CARF: variants seen among roughly 807,000 people sequenced by gnomAD.
CARF encodes calcium-responsive transcription factor.
In CARF, 57 loss-of-function variants were observed where a neutral mutation model predicts 82.0. The ratio of observed to expected loss-of-function variants is 0.70; its 90% CI spans 0.56 to 0.87. The LOEUF (loss-of-function observed/expected upper bound fraction) is 0.87, where lower values mean the gene tolerates loss of function less well. Among genes scored for constraint, CARF ranks in the 40% least tolerant of loss-of-function variants. CARF has a pLI of 0.00. For synonymous variants in CARF, 268 were observed against 290.1 expected (o/e 0.92, Z 0.77); for missense variants, 771 against 855.8 (o/e 0.90, Z 1.24).
intron 9 of CARF, among the ~76,000 whole-genome samples, chr2:202,965,672 T>G (rs1475389761): frequency 6.6e-6 from 1 of 152,158 alleles, no homozygotes; most frequent in East Asian, 1.9e-4. Context: ...TATGGTGTCT[T>G]TTAAACAGAA....
chr2:202,961,444 T>G lies in CARF; in HGVS notation c.832+18T>G, dbSNP rs369105082. On this transcript the variant is annotated intron_variant, in intron 9 of 16. Transcript: ENST00000438828. Reference sequence around the variant, plus strand: ...TAATGCAGGTACTTTTTTAAAGAATTATTTTAAAAGGTTCAGCAGCAGCCA... The same window carrying G: ...TAATGCAGGTACTTTTTTAAAGAATGATTTTAAAAGGTTCAGCAGCAGCCA... The G allele has an allele frequency of 1.2e-6, 2 of 1,607,050 alleles. No homozygotes were observed. Among genetic ancestry groups the G allele is most frequent in the Non-Finnish European group, 1.7e-6 (2 of 1,174,002 alleles).
rs34656288 is a variant in CARF at position 202,980,616 on chromosome 2, G to GTATATATATA, written c.1559-902_1559-893dup. Among the ~76,000 whole-genome samples, 382 of 42,278 alleles carry GTATATATATA rather than the reference G, an allele frequency of 9.0e-3. 27 individuals are homozygous for GTATATATATA. Among genetic ancestry groups the GTATATATATA allele is most frequent in the Non-Finnish European group, 0.012 (268 of 22,776 alleles). The allele number at this position is 42,278 out of a possible 152,430, so 27.7% of individuals were successfully genotyped here. A position where few individuals can be genotyped will look rare whatever the true frequency, so the allele number is the denominator to read the frequency against. On this transcript the variant is annotated intron_variant, in intron 14 of 16. Transcript: ENST00000438828. ...GAGTTACAGATATAGCGTCTTTCAAGTATATATATATATATATATATATAT... is the reference window on the plus strand; with the variant it reads ...GAGTTACAGATATAGCGTCTTTCAAGTATATATATATATATATATATATATATATATATAT...
chr2:202,976,597 C>T (rs943187624), intron 13 of CARF, among the ~76,000 whole-genome samples: 2 of 152,080 alleles, frequency 1.3e-5, no homozygotes, highest in Non-Finnish European at 2.9e-5. Context: ...GTGATTATGC[C>T]ATTAAAATCT....
chr2:202,965,929 G>A (rs907262828), intron 9 of CARF, among the ~76,000 whole-genome samples: 2 of 152,168 alleles, frequency 1.3e-5, no homozygotes, highest in Non-Finnish European at 2.9e-5. Flanking sequence ...GAATCCAAGA[G>A]TGACTCAGCA....
chr2:202,959,807 C>G (rs2059224311), intron 8 of CARF, among the ~76,000 whole-genome samples: 1 of 83,556 alleles, frequency 1.2e-5, no homozygotes, highest in South Asian at 5.1e-4. Context: ...GAAACTCCAT[C>G]TCAAAAACAA....
At chr2:202,943,321 G>T (rs570544413) in intron 5 of CARF, among the ~76,000 whole-genome samples, 2 of 152,010 alleles carry the variant, frequency 1.3e-5, no homozygotes, top group Admixed American at 6.6e-5. Context: ...TGATCCACCC[G>T]CCTTGGCCTC....
chr2:202,929,048 A>G (rs1273183980), intron 3 of CARF, among the ~76,000 whole-genome samples: 1 of 152,124 alleles, frequency 6.6e-6, no homozygotes, highest in Non-Finnish European at 1.5e-5. Context: ...TTCTTTTGAG[A>G]GATGTCTGTT....
At chr2:202,935,113 T>TATATAATTATTTATAATTATATA (rs1235258623) in intron 3 of CARF, among the ~76,000 whole-genome samples, 1 of 143,104 alleles carries the variant, frequency 7.0e-6, no homozygotes, top group Non-Finnish European at 1.5e-5. Context: ...TATATAATTA[T>TATATAATTATTTATAATTATATA]ATATAATTAT....
At chr2:202,977,207 G>A (rs756320130) in intron 13 of CARF, 62 bp from the exon 14 acceptor site, 59 of 1,200,662 alleles carry the variant, frequency 4.9e-5, no homozygotes, top group East Asian at 1.4e-4. Flanking sequence ...TCGTAATGAC[G>A]TCTTAAGATA....
chr2:202,938,929 A>C (rs2058084457), intron 3 of CARF, among the ~76,000 whole-genome samples: 1 of 152,006 alleles, frequency 6.6e-6, no homozygotes, highest in South Asian at 2.1e-4. Flanking sequence ...TTCTGCTACC[A>C]TGTTGCTATT....
intron 14 of CARF, among the ~76,000 whole-genome samples, chr2:202,978,621 G>T (rs1051864771): frequency 6.6e-6 from 1 of 152,170 alleles, no homozygotes; most frequent in East Asian, 1.9e-4. Flanking sequence ...ACAGGTGAAG[G>T]TCCAATCAAA....
chr2:202,964,859 T>TTATATATATATATACATATATGTGTATA (rs1559256426), intron 9 of CARF, among the ~76,000 whole-genome samples: 70 of 141,572 alleles, frequency 4.9e-4, no homozygotes, highest in African/African-American at 1.6e-3. Context: ...TAAGGACTCC[T>TTATATATATATATACATATATGTGTATA]TATATATATA....
rs770846631 is a variant in CARF at position 202,967,011 on chromosome 2, G to C, written c.866G>C (p.Gly289Ala). ...SRAVVMECQY[G>A]PRRKGFQLKK... is the part of the protein sequence containing the mutation. ...GCTGTGGTAATGGAGTGTCAGTATG[G>C]GCCAAGAAGAAAAGGTTTCCAGTTA... Residue 289 changes from glycine to alanine, a missense_variant, in exon 10 of 17, where the codon GGG (glycine) becomes GCG (alanine). By Grantham distance (60) the Gly-to-Ala change is moderately conservative. Transcript: ENST00000438828. 6.2e-7 allele frequency: 1 copy of C among 1,613,840 alleles called. No homozygotes were observed. Among genetic ancestry groups the C allele is most frequent in the Non-Finnish European group, 8.5e-7 (1 of 1,179,938 alleles).
chr2:202,955,132 A>C lies in CARF; in HGVS notation c.558-542A>C, dbSNP rs1188715950. On this transcript the variant is annotated intron_variant, in intron 7 of 16. Coordinates refer to ENST00000438828, the MANE Select transcript of CARF (RefSeq NM_024744.17). ...AATGCTTTTTGCTAACTTTTATTTC[A>C]GTTTTTGTTTTTGTTTTAAAATAAT... Among the ~76,000 whole-genome samples the C allele has an allele frequency of 2.2e-4, 34 of 152,016 alleles. 1 individual carries two copies. The highest frequency in any genetic ancestry group is 2.2e-3 in the Admixed American group (34 of 15,242).
intron 5 of CARF, among the ~76,000 whole-genome samples, chr2:202,951,016 A>C (rs908529409): frequency 6.6e-6 from 1 of 151,840 alleles, no homozygotes; most frequent in Non-Finnish European, 1.5e-5. Context: ...TTTTTAAAAA[A>C]TTTTTTTCAA....
At chr2:202,965,697 A>C (rs1559258095) in intron 9 of CARF, among the ~76,000 whole-genome samples, 1 of 152,122 alleles carries the variant, frequency 6.6e-6, no homozygotes, top group East Asian at 1.9e-4. Flanking sequence ...TTATATTTTA[A>C]TGTCAGCTTT....
rs1259153585 is a variant in CARF at position 202,982,097 on chromosome 2, C to T, written c.1715C>T (p.Thr572Ile). ...LQGLQLQPRYTSPDESPAVVS... is the reference protein window; with the variant it reads ...LQGLQLQPRYISPDESPAVVS... ...GGTTTGCAGTTACAACCAAGGTACACCTCTCCTGATGAATCACCAGCTGTG... is the reference window on the plus strand; with the variant it reads ...GGTTTGCAGTTACAACCAAGGTACATCTCTCCTGATGAATCACCAGCTGTG... Residue 572 changes from threonine (T) to isoleucine (I), a missense_variant, in exon 16 of 17, where the codon ACC (threonine) becomes ATC (isoleucine). By Grantham distance (89) the Thr-to-Ile change is moderately conservative. Transcript: ENST00000438828. 3.1e-6 allele frequency: 5 copies of T among 1,613,990 alleles called. No homozygotes were observed. The highest frequency in any genetic ancestry group is 4.2e-6 in the Non-Finnish European group (5 of 1,179,938).
intron 3 of CARF, among the ~76,000 whole-genome samples, chr2:202,932,255 G>T (rs1027667302): frequency 1.3e-5 from 2 of 152,078 alleles, no homozygotes; most frequent in Admixed American, 1.3e-4. Flanking sequence ...ATGAGATTTG[G>T]GTGGGGACAC....
chr2:202,934,181 T>C (rs2105771702), intron 3 of CARF, among the ~76,000 whole-genome samples: 1 of 152,278 alleles, frequency 6.6e-6, no homozygotes, highest in East Asian at 1.9e-4. Context: ...AGGCTATAAA[T>C]TTCCCTTGAA....
Sources: gnomAD v4.1 joint callset for allele counts (sites outside exome capture counted in the v4.1 genomes callset) on GRCh38, gnomAD v4.1.1 for gene constraint, MANE v1.5 for transcripts, NCBI Gene and HGNC (gene_info 2026-07-23, HGNC 2026-07-21) for gene names.